ERBB4: variants seen among roughly 807,000 people sequenced by gnomAD.
The protein encoded by ERBB4 is receptor tyrosine-protein kinase erbB-4.
A neutral mutation model predicts 158.0 loss-of-function variants in ERBB4; 42 were observed. The observed-to-expected ratio is 0.27, with a 90% CI of 0.21 to 0.34. The LOEUF (loss-of-function observed/expected upper bound fraction) is 0.34. Ranked by LOEUF, ERBB4 falls within the 10% of genes least tolerant of loss-of-function variation. ERBB4 has a pLI of 1.00. For missense variants in ERBB4, 1,333 were observed against 1,624.1 expected, an observed-to-expected ratio of 0.82 and a Z score of 3.08; for synonymous variants, 583 against 558.7, an observed-to-expected ratio of 1.04 and a Z score of -0.61.
chr2:212,265,392 A>G (rs2085094832), intron 1 of ERBB4, among the ~76,000 whole-genome samples: 1 of 151,978 alleles, frequency 6.6e-6, no homozygotes, highest in Admixed American at 6.6e-5. Flanking sequence ...TGAGATATCA[A>G]TTATTAGATT....
intron 1 of ERBB4, among the ~76,000 whole-genome samples, chr2:212,454,271 A>G (rs1316446108): frequency 6.6e-6 from 1 of 152,160 alleles, no homozygotes; most frequent in East Asian, 1.9e-4. Flanking sequence ...TACTGTGGTG[A>G]CGCACTAGGA....
chr2:212,294,577 G>A (rs1360040605), intron 1 of ERBB4, among the ~76,000 whole-genome samples: 1 of 151,686 alleles, frequency 6.6e-6, no homozygotes, highest in East Asian at 1.9e-4. Flanking sequence ...AAGTTGTATC[G>A]CTTTAAAATT....
chr2:211,950,476 G>C (rs908532990), intron 2 of ERBB4, among the ~76,000 whole-genome samples: 6 of 152,100 alleles, frequency 3.9e-5, no homozygotes, highest in Non-Finnish European at 2.9e-5. Context: ...AGATATATCT[G>C]TCAAAATGGG....
intron 1 of ERBB4, among the ~76,000 whole-genome samples, chr2:212,440,967 G>A (rs1574922495): frequency 6.6e-6 from 1 of 152,274 alleles, no homozygotes; most frequent in East Asian, 1.9e-4. Context: ...ATTGCCCTGA[G>A]GGAGAGTCTT....
intron 1 of ERBB4, among the ~76,000 whole-genome samples, chr2:212,170,499 G>T (rs1417997995): frequency 6.6e-6 from 1 of 152,198 alleles, no homozygotes; most frequent in Non-Finnish European, 1.5e-5. Flanking sequence ...CAATGGCCAA[G>T]ACAATGGGGA....
intron 1 of ERBB4, among the ~76,000 whole-genome samples, chr2:212,470,331 GA>G (rs889728537): frequency 2.0e-4 from 30 of 149,740 alleles, no homozygotes; most frequent in East Asian, 5.8e-4. Context: ...GCTTTGAGGT[GA>G]AAAAAAAATA....
intron 1 of ERBB4, among the ~76,000 whole-genome samples, chr2:212,226,256 A>G (rs1457357248): frequency 6.6e-6 from 1 of 152,144 alleles, no homozygotes; most frequent in African/African-American, 2.4e-5. Context: ...AATTCTTCCA[A>G]CAACCTAACT....
At chr2:212,069,366 C>A (rs2078041222) in intron 2 of ERBB4, among the ~76,000 whole-genome samples, 1 of 151,382 alleles carries the variant, frequency 6.6e-6, no homozygotes, top group Admixed American at 6.6e-5. Context: ...AAGAAAAATC[C>A]AACATCATTA....
intron 3 of ERBB4, among the ~76,000 whole-genome samples, chr2:211,827,468 G>T (rs190099827): frequency 6.6e-6 from 1 of 151,942 alleles, no homozygotes. Context: ...TGACATTTTG[G>T]GTGGAAATAA....
chr2:211,886,994 T>G (rs575497175), intron 3 of ERBB4, among the ~76,000 whole-genome samples: 2 of 152,330 alleles, frequency 1.3e-5, no homozygotes, highest in Non-Finnish European at 2.9e-5. Flanking sequence ...CCTTCAAACT[T>G]AAAAGCAAAT....
intron 3 of ERBB4, among the ~76,000 whole-genome samples, chr2:211,935,134 G>T (rs1362189031): frequency 6.6e-6 from 1 of 151,964 alleles, no homozygotes; most frequent in Non-Finnish European, 1.5e-5. Flanking sequence ...ATAAATTATT[G>T]TATGCCCTCC....
At chr2:211,464,173 C>T (rs2064612355) in intron 20 of ERBB4, among the ~76,000 whole-genome samples, 1 of 152,130 alleles carries the variant, frequency 6.6e-6, no homozygotes, top group African/African-American at 2.4e-5. Flanking sequence ...TTTGTGATTT[C>T]TCTAATAGAA....
intron 3 of ERBB4, among the ~76,000 whole-genome samples, chr2:211,878,100 G>A (rs558231007): frequency 2.0e-5 from 3 of 152,136 alleles, no homozygotes; most frequent in Admixed American, 6.5e-5. Flanking sequence ...AGAGCGAGAC[G>A]CCATCTCAAA....
At chr2:211,392,169 C>T (rs965213888) in intron 25 of ERBB4, among the ~76,000 whole-genome samples, 1 of 152,196 alleles carries the variant, frequency 6.6e-6, no homozygotes, top group Non-Finnish European at 1.5e-5. Flanking sequence ...CATCTCCACA[C>T]TTTCACAGGT....
intron 19 of ERBB4, among the ~76,000 whole-genome samples, chr2:211,598,192 G>C (rs1212536480): frequency 6.6e-6 from 1 of 152,026 alleles, no homozygotes; most frequent in African/African-American, 2.4e-5. Context: ...CTTTCAAATA[G>C]GGCCAATACT....
At chr2:212,155,720 T>C (rs1305643008) in intron 1 of ERBB4, among the ~76,000 whole-genome samples, 3 of 152,134 alleles carry the variant, frequency 2.0e-5, no homozygotes, top group Non-Finnish European at 4.4e-5. Flanking sequence ...CAGTTATGAA[T>C]GTAGCTGACA....
At chr2:211,506,188 A>G (rs992806893) in intron 20 of ERBB4, among the ~76,000 whole-genome samples, 6 of 150,356 alleles carry the variant, frequency 4.0e-5, no homozygotes, top group African/African-American at 1.5e-4. Flanking sequence ...TTATATAACA[A>G]TAAAGAGTGC....
chr2:211,869,816 T>G (rs1441452118), intron 3 of ERBB4, among the ~76,000 whole-genome samples: 1 of 152,184 alleles, frequency 6.6e-6, no homozygotes, highest in Non-Finnish European at 1.5e-5. Flanking sequence ...ACATATTATT[T>G]TCTTCATGAT....
chr2:211,974,712 A>G (rs2125212871), intron 2 of ERBB4, among the ~76,000 whole-genome samples: 1 of 152,318 alleles, frequency 6.6e-6, no homozygotes, highest in South Asian at 2.1e-4. Context: ...CCAAGGTCTA[A>G]GATTGTTCCA....
Sources: gnomAD v4.1 joint callset for allele counts (sites outside exome capture counted in the v4.1 genomes callset) on GRCh38, gnomAD v4.1.1 for gene constraint, MANE v1.5 for transcripts, NCBI Gene and HGNC (gene_info 2026-07-23, HGNC 2026-07-21) for gene names.